Variants in CLSTN2 observed in about 807,000 individuals in gnomAD.
CLSTN2 encodes the protein calsyntenin-2.
CLSTN2 carries 48 observed loss-of-function variants against 101.2 expected under a neutral mutation model. That is an observed-to-expected ratio of 0.47 (90% CI 0.38 to 0.60). The LOEUF is 0.60. Ranked by LOEUF, CLSTN2 falls within the 20% of genes least tolerant of loss-of-function variation. The pLI, the probability that CLSTN2 is intolerant of heterozygous loss-of-function variation, is 0.00. For synonymous variants in CLSTN2, 481 were observed against 463.6 expected, an observed-to-expected ratio of 1.04 and a Z score of -0.48; for missense variants, 1,160 against 1,238.2, an observed-to-expected ratio of 0.94 and a Z score of 0.95.
At chr3:140,018,200 C>G (rs1165170479) in intron 1 of CLSTN2, among the ~76,000 whole-genome samples, 25 of 152,166 alleles carry the variant, frequency 1.6e-4, no homozygotes, top group Admixed American at 1.6e-3. Context: ...GTTTCTGTGT[C>G]TGGAAGATGC....
intron 4 of CLSTN2, among the ~76,000 whole-genome samples, chr3:140,417,751 G>A (rs927803428): frequency 1.3e-5 from 2 of 152,150 alleles, no homozygotes; most frequent in Non-Finnish European, 2.9e-5. Context: ...AAGCAAAACA[G>A]GTGACTTTTC....
intron 2 of CLSTN2, among the ~76,000 whole-genome samples, chr3:140,270,449 G>A (rs376317145): frequency 2.1e-4 from 32 of 152,260 alleles, no homozygotes; most frequent in African/African-American, 7.5e-4. Context: ...CTGGTTGGGA[G>A]GTGTCTGCCG....
intron 1 of CLSTN2, among the ~76,000 whole-genome samples, chr3:140,053,067 T>TC (rs1186111296): frequency 1.3e-5 from 2 of 152,020 alleles, no homozygotes; most frequent in African/African-American, 2.4e-5. Flanking sequence ...CAGTCAGGCC[T>TC]CCCATGCATC....
At position 140,448,717 on chromosome 3, in the gene CLSTN2, C is replaced by G. The variant is rs760597356; in HGVS notation, c.973+13C>G. ...CAAAAGTTATGTGGTAGGTTTTTCCCTTTTGGGATTTTAAAAATCAATTGC... is the reference window on the plus strand; with the variant it reads ...CAAAAGTTATGTGGTAGGTTTTTCCGTTTTGGGATTTTAAAAATCAATTGC... On this transcript the variant is annotated intron_variant, in intron 6 of 16. Coordinates refer to ENST00000458420, the MANE Select transcript of CLSTN2 (RefSeq NM_022131.3). 1 of 1,594,478 alleles carries G rather than the reference C, an allele frequency of 6.3e-7. No homozygotes were observed. Among genetic ancestry groups the G allele is most frequent in the Non-Finnish European group, 8.6e-7 (1 of 1,165,488 alleles).
intron 2 of CLSTN2, among the ~76,000 whole-genome samples, chr3:140,349,768 C>G (rs2107941851): frequency 6.6e-6 from 1 of 152,312 alleles, no homozygotes; most frequent in South Asian, 2.1e-4. Flanking sequence ...ACCTTTTCAC[C>G]TTGGCTCCAC....
At chr3:140,179,421 C>G (rs1431666948) in intron 2 of CLSTN2, among the ~76,000 whole-genome samples, 1 of 149,312 alleles carries the variant, frequency 6.7e-6, no homozygotes. Context: ...AGTTTGATAC[C>G]GGCCTGGGAA....
At chr3:140,165,991 GC>G (rs2010129026) in intron 1 of CLSTN2, among the ~76,000 whole-genome samples, 1 of 152,086 alleles carries the variant, frequency 6.6e-6, no homozygotes, top group Non-Finnish European at 1.5e-5. Flanking sequence ...GTGGAGAGGT[GC>G]CTCTGTGTTG....
intron 8 of CLSTN2, among the ~76,000 whole-genome samples, chr3:140,518,143 A>G (rs2107771883): frequency 1.3e-5 from 2 of 152,176 alleles, no homozygotes; most frequent in Middle Eastern, 3.4e-3. Context: ...TCTCACTTCC[A>G]CCATACTTAT....
intron 2 of CLSTN2, among the ~76,000 whole-genome samples, chr3:140,183,973 C>A (rs1232378022): frequency 6.6e-6 from 1 of 152,184 alleles, no homozygotes; most frequent in African/African-American, 2.4e-5. Flanking sequence ...GAGCATCAAA[C>A]AACAACCATT....
chr3:140,309,849 T>C (rs928414134), intron 2 of CLSTN2, among the ~76,000 whole-genome samples: 8 of 152,104 alleles, frequency 5.3e-5, no homozygotes, highest in African/African-American at 1.9e-4. Context: ...AGGCCCGGGC[T>C]CTACACTCTC....
intron 9 of CLSTN2, among the ~76,000 whole-genome samples, chr3:140,539,109 T>C (rs1935417695): frequency 1.3e-5 from 2 of 152,242 alleles, no homozygotes; most frequent in South Asian, 4.1e-4. Context: ...TCTGCCTTCC[T>C]TGACTTCAGG....
chr3:140,296,777 C>T (rs373936736), intron 2 of CLSTN2, among the ~76,000 whole-genome samples: 3 of 152,196 alleles, frequency 2.0e-5, no homozygotes, highest in African/African-American at 7.2e-5. Flanking sequence ...ATAGCAAAGG[C>T]TATATTGTCA....
chr3:140,260,581 C>T (rs1472076742), intron 2 of CLSTN2, among the ~76,000 whole-genome samples: 1 of 151,416 alleles, frequency 6.6e-6, no homozygotes, highest in African/African-American at 2.4e-5. Flanking sequence ...ATTGAGAAGG[C>T]AGTACAGTTT....
intron 5 of CLSTN2, among the ~76,000 whole-genome samples, chr3:140,424,800 A>G (rs1482695178): frequency 6.6e-6 from 1 of 152,134 alleles, no homozygotes. Context: ...CCAGTGAACA[A>G]TATGAGGAGA....
rs1164273883 is a variant in CLSTN2, at chr3:140,001,620, G to A, written c.109+66137G>A. ...GCCATTTATCCTTTGTGTTACAAAC[G>A]ATCCAAAATACTTTTTTTAAGCTAT... On this transcript the variant is annotated intron_variant, in intron 1 of 16. Coordinates refer to ENST00000458420, the MANE Select transcript of CLSTN2 (RefSeq NM_022131.3). Among the ~76,000 whole-genome samples the A allele has an allele frequency of 2.6e-5, 4 of 151,858 alleles. No individual in the cohort carries two copies. The South Asian group carries it at 6.3e-4, about 24-fold the overall frequency.
chr3:140,132,881 G>A (rs574636909), intron 1 of CLSTN2, among the ~76,000 whole-genome samples: 1 of 152,204 alleles, frequency 6.6e-6, no homozygotes, highest in East Asian at 1.9e-4. Context: ...ATATTGTATT[G>A]AAATATGTTT....
At chr3:140,152,255 C>G (rs922593902) in intron 1 of CLSTN2, among the ~76,000 whole-genome samples, 1 of 152,184 alleles carries the variant, frequency 6.6e-6, no homozygotes, top group Non-Finnish European at 1.5e-5. Flanking sequence ...GTCTCACACA[C>G]TAGATCATCT....
chr3:139,963,568 T>A (rs1161188415), intron 1 of CLSTN2, among the ~76,000 whole-genome samples: 2 of 152,226 alleles, frequency 1.3e-5, no homozygotes, highest in Non-Finnish European at 2.9e-5. Context: ...GAGATTGGTA[T>A]TGTCTCTGTA....
intron 11 of CLSTN2, 59 bp from the exon 12 acceptor site, chr3:140,558,581 G>C: frequency 1.4e-6 from 2 of 1,445,548 alleles, no homozygotes; most frequent in South Asian, 2.4e-5. Context: ...GTTCCTGGCT[G>C]TATGACAGAT....
Sources: gnomAD v4.1 joint callset for allele counts (sites outside exome capture counted in the v4.1 genomes callset) on GRCh38, gnomAD v4.1.1 for gene constraint, MANE v1.5 for transcripts, NCBI Gene and HGNC (gene_info 2026-07-23, HGNC 2026-07-21) for gene names.